Variants in MFSD6L observed in about 807,000 individuals in gnomAD.
MFSD6L encodes the protein major facilitator superfamily domain containing 6 like, also known as major facilitator superfamily domain-containing protein 6-like.
Under a neutral mutation model 6.4 loss-of-function variants are expected in MFSD6L, and 9 were observed. The observed-to-expected ratio is 1.42, with a 90% CI of 0.85 to 2.47. MFSD6L has a LOEUF of 2.47. Ranked by LOEUF, MFSD6L falls within the 30% of genes most tolerant of loss-of-function variation. The pLI is 0.00. For synonymous variants in MFSD6L, 336 were observed against 322.4 expected, an observed-to-expected ratio of 1.04 and a Z score of -0.45; for missense variants, 747 against 730.6, an observed-to-expected ratio of 1.02 and a Z score of -0.26.
Position 8,798,874 on chromosome 17 carries a change from A to T in MFSD6L, c.247T>A (p.Ser83Thr), listed in dbSNP as rs755734741. The change falls in exon 1 of 1, where the codon TCC (serine) becomes ACC (threonine). Residue 83 changes from serine to threonine, a missense_variant. Physicochemically the swap from Ser to Thr is moderately conservative, Grantham distance 58. Transcript: ENST00000329805. Reference sequence around the variant, plus strand: ...CTGGCCCCCACCGAGCCGAGCAGGGAGCCGATCAGAAGCGCTCTCCTTTTC... The same window carrying T: ...CTGGCCCCCACCGAGCCGAGCAGGGTGCCGATCAGAAGCGCTCTCCTTTTC... ...YRKRRALLIG[S>T]LLGSVGASLL... 1 of 1,613,968 alleles carries T rather than the reference A, an allele frequency of 6.2e-7. No individual in the cohort carries two copies. Among genetic ancestry groups the T allele is most frequent in the South Asian group, 1.1e-5 (1 of 91,064 alleles).
In MFSD6L at chr17:8,797,665, G is replaced by C; in HGVS notation, c.1456C>G (p.Arg486Gly). The C allele has an allele frequency of 2.5e-6, 4 of 1,613,330 alleles. No homozygotes were observed. Among genetic ancestry groups the C allele is most frequent in the Non-Finnish European group, 2.5e-6 (3 of 1,179,950 alleles). Residue 486 changes from arginine to glycine, a missense_variant, in exon 1 of 1, where the codon CGC (arginine) becomes GGC (glycine). Physicochemically the swap from Arg to Gly is moderately radical, Grantham distance 125. Transcript: ENST00000329805. ...GASVEDLATP[R>G]MERALSALFR... ...AAGGCACTCAGAGCCCTCTCCATGC[G>C]GGGAGTGGCCAGGTCCTCTACTGAG...
In MFSD6L at chr17:8,797,569, A is replaced by G. The variant is rs1191517432; in HGVS notation, c.1552T>C (p.Phe518Leu). ...SFVGGFVVMR[F>L]SLAVLYQACC... Reference sequence around the variant, plus strand: ...GCCTGGTAGAGCACAGCCAGGCTGAAGCGCATCACCACGAAGCCCCCGACA... The same window carrying G: ...GCCTGGTAGAGCACAGCCAGGCTGAGGCGCATCACCACGAAGCCCCCGACA... The change falls in exon 1 of 1, where the codon TTC becomes CTC. Residue 518 changes from phenylalanine to leucine, a missense_variant. By Grantham distance (22) the Phe-to-Leu change is conservative. Coordinates refer to ENST00000329805, the MANE Select transcript of MFSD6L (RefSeq NM_152599.4). The G allele has an allele frequency of 6.1e-5, 98 of 1,613,522 alleles. No individual in the cohort carries two copies. Among genetic ancestry groups the G allele is most frequent in the Non-Finnish European group, 8.0e-5 (94 of 1,179,766 alleles).
Position 8,799,176 on chromosome 17 carries a change from G to C in MFSD6L, c.-56C>G, listed in dbSNP as rs1404768092. The C allele has an allele frequency of 2.7e-6, 4 of 1,462,068 alleles. No homozygotes were observed. The highest frequency in any genetic ancestry group is 1.4e-5 in the South Asian group (1 of 72,422). The allele number at this position is 1,462,068 out of a possible 1,614,324, so 90.6% of individuals were successfully genotyped here. A position where few individuals can be genotyped will look rare whatever the true frequency, so the allele number is the denominator to read the frequency against. ...CGGAGGGCGGAGCTGGGCGCAGGGCGGGCGCGGCCCCAGGTACCCGGGAGG... is the reference window on the plus strand; with the variant it reads ...CGGAGGGCGGAGCTGGGCGCAGGGCCGGCGCGGCCCCAGGTACCCGGGAGG... On this transcript the variant is annotated 5_prime_UTR_variant, in exon 1 of 1. Transcript: ENST00000329805. This position sits in a 1 kb window ranked among gnomAD's most constrained non-coding sequence, Gnocchi z 5.3.
In MFSD6L at chr17:8,799,037, G is replaced by A; in HGVS notation, c.84C>T (p.Ala28=). The A allele has an allele frequency of 3.1e-6, 5 of 1,612,708 alleles. No homozygotes were observed. The highest frequency in any genetic ancestry group is 4.2e-6 in the Non-Finnish European group (5 of 1,179,622). Residue 28 remains alanine, a synonymous_variant, in exon 1 of 1, where the codon GCC becomes GCT. Coordinates refer to ENST00000329805, the MANE Select transcript of MFSD6L (RefSeq NM_152599.4). This position sits in a 1 kb window ranked among gnomAD's most constrained non-coding sequence, Gnocchi z 5.3. Reference sequence around the variant, plus strand: ...AAAGGGTCAGGAACGGGGTCACGCAGGCTTCCCGCACCCCGCACACCAGGT... The same window carrying A: ...AAAGGGTCAGGAACGGGGTCACGCAAGCTTCCCGCACCCCGCACACCAGGT... The part of the protein sequence containing the change: ...LFHLVCGVRE[A]CVTPFLTLYL...
rs745811240 is a variant in MFSD6L, at chr17:8,798,887, C to T, written c.234G>A (p.Ala78=). The T allele has an allele frequency of 3.7e-5, 59 of 1,613,916 alleles. 1 individual carries two copies. The South Asian group carries it at 5.6e-4, about 15-fold the overall frequency. Residue 78 remains alanine (A), a synonymous_variant, in exon 1 of 1, where the codon GCG becomes GCA. Coordinates refer to ENST00000329805, the MANE Select transcript of MFSD6L (RefSeq NM_152599.4). ...AGCCGAGCAGGGAGCCGATCAGAAG[C>T]GCTCTCCTTTTCCGGTAGCTTTTGG... ...FLAKSYRKRR[A]LLIGSLLGSV...
Position 8,798,970 on chromosome 17 carries a change from G to C in MFSD6L, c.151C>G (p.Leu51Val), listed in dbSNP as rs749519564. 9.3e-6 allele frequency: 15 copies of C among 1,613,806 alleles called. No homozygotes were observed. In the South Asian group the frequency reaches 1.4e-4, roughly 15 times the overall value. The stretch of plus-strand genomic sequence containing the variant: ...GCGATTAGGTGCTTGGTTCCCATTA[G>C]GGTGCCCACCCAGGGCGCGGCCAAG... ...LGLAAPWVGT[L>V]MGTKHLIAAF... is the part of the protein sequence containing the mutation. Residue 51 changes from leucine (L) to valine (V), a missense_variant, in exon 1 of 1, where the codon CTA becomes GTA. Physicochemically the swap from Leu to Val is conservative, Grantham distance 32 (BLOSUM62 1). Coordinates refer to ENST00000329805, the MANE Select transcript of MFSD6L (RefSeq NM_152599.4).
In MFSD6L at chr17:8,797,812, C is replaced by T. The variant is rs2087011814; in HGVS notation, c.1309G>A (p.Gly437Arg). ...KLSRTGLVGL[G>R]LSCLAGQLLY... Reference sequence around the variant, plus strand: ...AGCTGCCCAGCGAGGCAGCTCAGCCCCAGCCCCACCAGGCCCGTCCTGGAC... The same window carrying T: ...AGCTGCCCAGCGAGGCAGCTCAGCCTCAGCCCCACCAGGCCCGTCCTGGAC... The change falls in exon 1 of 1, where the codon GGG (glycine) becomes AGG (arginine). Residue 437 changes from glycine to arginine, a missense_variant. Coordinates refer to ENST00000329805, the MANE Select transcript of MFSD6L (RefSeq NM_152599.4). The T allele has an allele frequency of 1.9e-6, 3 of 1,613,788 alleles. No individual in the cohort carries two copies. Among genetic ancestry groups the T allele is most frequent in the South Asian group, 2.2e-5 (2 of 91,070 alleles).
chr17:8,797,522 G>C lies in MFSD6L; in HGVS notation c.1599C>G (p.Leu533=), dbSNP rs1438075819. The C allele has an allele frequency of 2.2e-5, 36 of 1,613,956 alleles. No individual in the cohort carries two copies. Among genetic ancestry groups the C allele is most frequent in the Non-Finnish European group, 3.0e-5 (35 of 1,179,994 alleles). ...LYQACCVALL[L]WLALLLSIQR... ...GTATGGACAGGAGCAAGGCCAACCA[G>C]AGCAACAGGGCCACACAGCAGGCCT... Residue 533 remains leucine, a synonymous_variant, in exon 1 of 1, where the codon CTC becomes CTG. Transcript: ENST00000329805.
rs931613207 is a variant in MFSD6L at position 8,797,704 on chromosome 17, A to T, written c.1417T>A (p.Trp473Arg). The change falls in exon 1 of 1, where the codon TGG (tryptophan) becomes AGG (arginine). Residue 473 changes from tryptophan to arginine, a missense_variant. Trp to Arg is a moderately radical substitution (Grantham distance 101, BLOSUM62 -3). Coordinates refer to ENST00000329805, the MANE Select transcript of MFSD6L (RefSeq NM_152599.4). ...LSAISNRALW[W>R]AVGASVEDLA... is the part of the protein sequence containing the mutation. Reference sequence around the variant, plus strand: ...TCCTCTACTGAGGCCCCCACAGCCCACCACAAAGCTCTGTTGCTAATGGCA... The same window carrying T: ...TCCTCTACTGAGGCCCCCACAGCCCTCCACAAAGCTCTGTTGCTAATGGCA... 1.9e-6 allele frequency: 3 copies of T among 1,613,842 alleles called. No homozygotes were observed. Among genetic ancestry groups the T allele is most frequent in the Non-Finnish European group, 2.5e-6 (3 of 1,180,006 alleles).
rs753876265 is a variant in MFSD6L at position 8,797,693 on chromosome 17, C to T, written c.1428G>A (p.Gly476=). ...GAGTGGCCAGGTCCTCTACTGAGGC[C>T]CCCACAGCCCACCACAAAGCTCTGT... ...ISNRALWWAV[G]ASVEDLATPR... Residue 476 remains glycine (G), a synonymous_variant, in exon 1 of 1, where the codon GGG becomes GGA. Coordinates refer to ENST00000329805, the MANE Select transcript of MFSD6L (RefSeq NM_152599.4). 1.9e-5 allele frequency: 31 copies of T among 1,613,628 alleles called. 1 individual carries two copies. The South Asian group carries it at 3.4e-4, about 18-fold the overall frequency.
In MFSD6L at chr17:8,798,710, G is replaced by A. The variant is rs2087020979; in HGVS notation, c.411C>T (p.Ala137=). The change falls in exon 1 of 1, where the codon GCC becomes GCT. Residue 137 remains alanine (A), a synonymous_variant. Coordinates refer to ENST00000329805, the MANE Select transcript of MFSD6L (RefSeq NM_152599.4). ...CAGTCCTCTTGGCTGGGTGGCTGGA[G>A]GCAGACTCTTGGGCCGAGGTGATGT... ...PVNITSAQES[A]SSHPAKRTAE... is the part of the protein sequence containing the mutation. 20 of 1,614,108 alleles carry A rather than the reference G, an allele frequency of 1.2e-5. No homozygotes were observed. The highest frequency in any genetic ancestry group is 1.6e-5 in the Non-Finnish European group (19 of 1,180,036).
At position 8,798,240 on chromosome 17, in the gene MFSD6L, C is replaced by T. The variant is rs768600218; in HGVS notation, c.881G>A (p.Gly294Asp). The T allele has an allele frequency of 6.1e-5, 99 of 1,610,064 alleles. No individual in the cohort carries two copies. Among genetic ancestry groups the T allele is most frequent in the Admixed American group, 3.3e-4 (20 of 59,998 alleles). Residue 294 changes from glycine to aspartate, a missense_variant, in exon 1 of 1, where the codon GGC becomes GAC. Coordinates refer to ENST00000329805, the MANE Select transcript of MFSD6L (RefSeq NM_152599.4). ...GATGCCACACACGCCTGCCGACATG[C>T]CCAGCAACCTCCAGACCCACAGGCT... ...YRSLWVWRLLGMSAGVCGITA... is the reference protein window; with the variant it reads ...YRSLWVWRLLDMSAGVCGITA...
At position 8,797,675 on chromosome 17, in the gene MFSD6L, C is replaced by T; in HGVS notation, c.1446G>A (p.Leu482=). ...WWAVGASVED[L]ATPRMERALS... ...GAGCCCTCTCCATGCGGGGAGTGGC[C>T]AGGTCCTCTACTGAGGCCCCCACAG... The change falls in exon 1 of 1, where the codon CTG becomes CTA. Residue 482 remains leucine, a synonymous_variant. Transcript: ENST00000329805. 1 of 1,613,588 alleles carries T rather than the reference C, an allele frequency of 6.2e-7. No individual in the cohort carries two copies. The highest frequency in any genetic ancestry group is 1.1e-5 in the South Asian group (1 of 91,078).
rs1180193873 is a variant in MFSD6L at position 8,797,754 on chromosome 17, G to A, written c.1367C>T (p.Ser456Phe). 6.2e-7 allele frequency: 1 copy of A among 1,614,010 alleles called. No individual in the cohort carries two copies. The highest frequency in any genetic ancestry group is 8.5e-7 in the Non-Finnish European group (1 of 1,180,028). Residue 456 changes from serine to phenylalanine, a missense_variant, in exon 1 of 1, where the codon TCC (serine) becomes TTC (phenylalanine). Ser to Phe is a radical substitution (Grantham distance 155, BLOSUM62 -2). Coordinates refer to ENST00000329805, the MANE Select transcript of MFSD6L (RefSeq NM_152599.4). ...LYYSFLWSWW[S>F]VLPIQILSAI... The stretch of plus-strand genomic sequence containing the variant: ...ACTCAAGATCTGAATGGGGAGGACG[G>A]ACCACCAGCTCCAGAGGAAAGAGTA...
rs1362642882 is a variant in MFSD6L, at chr17:8,799,185, C to T, written c.-65G>A. On this transcript the variant is annotated 5_prime_UTR_variant, in exon 1 of 1. Coordinates refer to ENST00000329805, the MANE Select transcript of MFSD6L (RefSeq NM_152599.4). The surrounding 1 kb of genome is among the most constrained non-coding windows in gnomAD (Gnocchi z 5.3). Reference sequence around the variant, plus strand: ...GAGCTGGGCGCAGGGCGGGCGCGGCCCCAGGTACCCGGGAGGGAGGCTTGG... The same window carrying T: ...GAGCTGGGCGCAGGGCGGGCGCGGCTCCAGGTACCCGGGAGGGAGGCTTGG... 2.1e-6 allele frequency: 3 copies of T among 1,426,398 alleles called. No individual in the cohort carries two copies. The highest frequency in any genetic ancestry group is 1.5e-5 in the African/African-American group (1 of 68,964). 88.4% of individuals were successfully genotyped at this position (1,426,398 alleles called of 1,614,324 possible).
Position 8,797,489 on chromosome 17 carries a change from C to T in MFSD6L, c.1632G>A (p.Arg544=). 1 of 1,614,124 alleles carries T rather than the reference C, an allele frequency of 6.2e-7. No individual in the cohort carries two copies. Among genetic ancestry groups the T allele is most frequent in the East Asian group, 2.2e-5 (1 of 44,880 alleles). ...WLALLLSIQR[R]LPRERKIKYS... ...ACTTGATTTTCCGCTCTCGGGGCAGCCTCCGCTGTATGGACAGGAGCAAGG... is the reference window on the plus strand; with the variant it reads ...ACTTGATTTTCCGCTCTCGGGGCAGTCTCCGCTGTATGGACAGGAGCAAGG... Residue 544 remains arginine (R), a synonymous_variant, in exon 1 of 1, where the codon AGG becomes AGA. Transcript: ENST00000329805.
rs377142153 is a variant in MFSD6L, at chr17:8,797,974, T to C, written c.1147A>G (p.Ser383Gly). The change falls in exon 1 of 1, where the codon AGT (serine) becomes GGT (glycine). Residue 383 changes from serine (S) to glycine (G), a missense_variant. Physicochemically the swap from Ser to Gly is moderately conservative, Grantham distance 56. Coordinates refer to ENST00000329805, the MANE Select transcript of MFSD6L (RefSeq NM_152599.4). The stretch of plus-strand genomic sequence containing the variant: ...CAGAACAGAAAGTTCTGGACAGTAC[T>C]GACGATGGCTCCTACCAAAACAGTG... ...STTVLVGAIV[S>G]TVQNFLFWHM... 4.3e-6 allele frequency: 7 copies of C among 1,613,688 alleles called. No homozygotes were observed. In the African/African-American group the frequency reaches 8.0e-5, roughly 18 times the overall value.
At position 8,797,401 on chromosome 17, in the gene MFSD6L, C is replaced by A. The variant is rs78093130; in HGVS notation, c.1720G>T (p.Asp574Tyr). 1 of 1,600,536 alleles carries A rather than the reference C, an allele frequency of 6.2e-7. No homozygotes were observed. The highest frequency in any genetic ancestry group is 1.1e-5 in the South Asian group (1 of 88,210). ...TCCCTCATGGCCTTCACAAGCCAGT[C>A]CTGTTCTGTCCCCTGCTCAGAGTCA... is the stretch of plus-strand genomic sequence containing the variant. ...TSDSEQGTEQ[D>Y]WLVKAMREEH... Residue 574 changes from aspartate to tyrosine, a missense_variant, in exon 1 of 1, where the codon GAC (aspartate) becomes TAC (tyrosine). Coordinates refer to ENST00000329805, the MANE Select transcript of MFSD6L (RefSeq NM_152599.4).
At position 8,798,889 on chromosome 17, in the gene MFSD6L, C is replaced by T. The variant is rs758182104; in HGVS notation, c.232G>A (p.Ala78Thr). 1.9e-6 allele frequency: 3 copies of T among 1,614,104 alleles called. No individual in the cohort carries two copies. The highest frequency in any genetic ancestry group is 2.5e-6 in the Non-Finnish European group (3 of 1,180,006). The part of the protein sequence containing the change: ...FLAKSYRKRR[A>T]LLIGSLLGSV... The stretch of plus-strand genomic sequence containing the variant: ...CCGAGCAGGGAGCCGATCAGAAGCG[C>T]TCTCCTTTTCCGGTAGCTTTTGGCC... The change falls in exon 1 of 1, where the codon GCG becomes ACG. Residue 78 changes from alanine (A) to threonine (T), a missense_variant. By Grantham distance (58) the Ala-to-Thr change is moderately conservative. Coordinates refer to ENST00000329805, the MANE Select transcript of MFSD6L (RefSeq NM_152599.4).
Sources: allele counts gnomAD v4.1 joint callset, GRCh38; gene constraint gnomAD v4.1.1; non-coding constraint Gnocchi (gnomAD v3.1); transcripts MANE v1.5; gene names NCBI Gene and HGNC (gene_info 2026-07-23, HGNC 2026-07-21).